Variants in DDX31 observed in about 807,000 individuals in gnomAD.
DDX31 encodes the protein DEAD-box helicase 31, also known as ATP-dependent DNA helicase DDX31.
Under a neutral mutation model 91.3 loss-of-function variants are expected in DDX31, and 70 were observed. The ratio of observed to expected loss-of-function variants is 0.77; its 90% confidence interval spans 0.63 to 0.94. The LOEUF (loss-of-function observed/expected upper bound fraction) is 0.94, where lower values mean the gene tolerates loss of function less well. Among genes scored for constraint, DDX31 ranks in the 40% least tolerant of loss-of-function variants. The probability of loss-of-function intolerance (pLI) is 0.00; values close to 1 mark genes in which losing one functional copy is unlikely to be tolerated. For synonymous variants in DDX31, 362 were observed against 350.6 expected, an observed-to-expected ratio of 1.03 and a Z score of -0.36; for missense variants, 902 against 925.0, an observed-to-expected ratio of 0.98 and a Z score of 0.32.
chr9:132,632,003 C>T (rs1374587201), intron 15 of DDX31, 38 bp downstream of exon 15: 1 of 1,582,516 alleles, frequency 6.3e-7, no homozygotes, highest in Non-Finnish European at 8.6e-7. Context: ...ATCATATATT[C>T]CTGCCTAAAG....
intron 19 of DDX31, among the ~76,000 whole-genome samples, chr9:132,606,948 A>G (rs1407563520): frequency 1.3e-5 from 2 of 152,234 alleles, no homozygotes; most frequent in Non-Finnish European, 2.9e-5. Flanking sequence ...ACAGGCCTTC[A>G]AAGATGAAAA....
chr9:132,614,618 G>T (rs1264082920), intron 18 of DDX31, among the ~76,000 whole-genome samples: 3 of 152,138 alleles, frequency 2.0e-5, no homozygotes, highest in Admixed American at 6.5e-5. Context: ...CCTCTCTTCT[G>T]TGTATGCAGA....
At chr9:132,608,976 C>G (rs1458231628) in intron 19 of DDX31, among the ~76,000 whole-genome samples, 3 of 152,162 alleles carry the variant, frequency 2.0e-5, no homozygotes, top group African/African-American at 7.2e-5. Context: ...CATTCCTCCT[C>G]CAGGAGTGAC....
intron 13 of DDX31, among the ~76,000 whole-genome samples, chr9:132,645,440 A>G (rs913259486): frequency 5.3e-5 from 8 of 152,212 alleles, no homozygotes; most frequent in Admixed American, 4.6e-4. Flanking sequence ...CAATGACAGC[A>G]GCCGTGCTCA....
At chr9:132,618,636 TGA>T (rs145822933) in intron 17 of DDX31, among the ~76,000 whole-genome samples, 195 bp from the exon 18 acceptor site, 3,155 of 152,292 alleles carry the variant, frequency 0.021, 120 homozygotes, top group African/African-American at 0.072. Flanking sequence ...GGTGGCTTTA[TGA>T]GAGAGAACAT....
rs1414317147 is a variant in DDX31, at chr9:132,661,192, AG to A, written c.452+15del. 2 of 1,606,118 alleles carry A rather than the reference AG, an allele frequency of 1.2e-6. No homozygotes were observed. Among genetic ancestry groups the A allele is most frequent in the Non-Finnish European group, 1.7e-6 (2 of 1,173,744 alleles). On this transcript the variant is annotated intron_variant, in intron 4 of 19. Transcript: ENST00000372159. ...ACGTAATGCCTAAGAAATCAAGAGG[AG>A]CCTGAAGTTCTTACCTGGTCATACT...
At chr9:132,663,587 T>C (rs1427365479) in intron 1 of DDX31, 8 of 913,870 alleles carry the variant, frequency 8.8e-6, no homozygotes, top group Non-Finnish European at 9.2e-6. Context: ...TATAAAAGCA[T>C]CCCTTGAGTA....
chr9:132,656,409 C>T (rs887585659), intron 6 of DDX31, among the ~76,000 whole-genome samples: 1 of 152,114 alleles, frequency 6.6e-6, no homozygotes, highest in South Asian at 2.1e-4. Flanking sequence ...GACATATAAC[C>T]AATCAAATCA....
Position 132,618,360 on chromosome 9 carries a change from T to G in DDX31, c.1795A>C (p.Ser599Arg), listed in dbSNP as rs199750353. ...QTVFEDYVHS[S>R]ERRVSWAKKA... is the part of the protein sequence containing the mutation. ...TTTGCCCAGGAGACCCTCCTCTCAC[T>G]GGAGTGCACGTAATCTTCAAATACC... Residue 599 changes from serine to arginine, a missense_variant, in exon 18 of 20, where the codon AGT becomes CGT. Physicochemically the swap from Ser to Arg is moderately radical, Grantham distance 110 (BLOSUM62 -1). Coordinates refer to ENST00000372159, the MANE Select transcript of DDX31 (RefSeq NM_022779.9). 17 of 1,611,396 alleles carry G rather than the reference T, an allele frequency of 1.1e-5. No homozygotes were observed. Among genetic ancestry groups the G allele is most frequent in the Non-Finnish European group, 1.4e-5 (17 of 1,178,974 alleles).
At position 132,594,840 on chromosome 9, in the gene DDX31, GT is replaced by G; in HGVS notation, c.*25del. On this transcript the variant is annotated 3_prime_UTR_variant, in exon 20 of 20. Coordinates refer to ENST00000372159, the MANE Select transcript of DDX31 (RefSeq NM_022779.9). ...ATCCACTGCCACCCGGGGCTTCCAG[GT>G]TCCACTCGAAGACCCAGAGAGATTT... The G allele has an allele frequency of 6.2e-7, 1 of 1,606,670 alleles. No homozygotes were observed. The highest frequency in any genetic ancestry group is 8.5e-7 in the Non-Finnish European group (1 of 1,175,440).
At chr9:132,658,767 C>G (rs757747190) in intron 5 of DDX31, 32 bp from the exon 6 acceptor site, 2 of 1,599,382 alleles carry the variant, frequency 1.3e-6, no homozygotes, top group Non-Finnish European at 1.7e-6. Context: ...CAATTAAAAT[C>G]ACACACCCTA....
intron 9 of DDX31, among the ~76,000 whole-genome samples, chr9:132,649,734 TTTC>T (rs1834065281): frequency 6.6e-6 from 1 of 152,220 alleles, no homozygotes; most frequent in Non-Finnish European, 1.5e-5. Flanking sequence ...ATAAAAATGT[TTTC>T]AAAAGAATGA....
chr9:132,607,935 C>G (rs1047093687), intron 19 of DDX31, among the ~76,000 whole-genome samples: 1 of 152,222 alleles, frequency 6.6e-6, no homozygotes, highest in African/African-American at 2.4e-5. Context: ...TGCCTGCTCA[C>G]TGTTCTGACA....
chr9:132,653,577 A>C (rs1834356194), intron 6 of DDX31, among the ~76,000 whole-genome samples: 1 of 151,392 alleles, frequency 6.6e-6, no homozygotes, highest in African/African-American at 2.4e-5. Flanking sequence ...AGCAACAAAA[A>C]AGATAAAAGG....
At chr9:132,602,442 C>A (rs1267144019) in intron 19 of DDX31, among the ~76,000 whole-genome samples, 2 of 152,092 alleles carry the variant, frequency 1.3e-5, no homozygotes, top group Non-Finnish European at 2.9e-5. Context: ...TAAGGCTGCA[C>A]ATTCCTTACC....
intron 9 of DDX31, 111 bp downstream of exon 9, chr9:132,650,121 GGA>G: frequency 9.7e-7 from 1 of 1,026,260 alleles, no homozygotes; most frequent in East Asian, 2.4e-5. Flanking sequence ...ACCGGGACTA[GGA>G]AGCAGAGCCT....
At chr9:132,669,772 A>G in intron 1 of DDX31, 88 bp downstream of exon 1, 1 of 1,518,998 alleles carries the variant, frequency 6.6e-7, no homozygotes, top group Non-Finnish European at 8.8e-7. Context: ...ATGACTCGAA[A>G]CCCGACTCCA....
At position 132,645,949 on chromosome 9, in the gene DDX31, T is replaced by C. The variant is rs751655390; in HGVS notation, c.1326A>G (p.Pro442=). 6 of 1,613,822 alleles carry C rather than the reference T, an allele frequency of 3.7e-6. No homozygotes were observed. Among genetic ancestry groups the C allele is most frequent in the Non-Finnish European group, 5.1e-6 (6 of 1,179,924 alleles). Residue 442 remains proline, a synonymous_variant, in exon 13 of 20, where the codon CCA becomes CCG. Transcript: ENST00000372159. ...SSGAPASGQL[P]SASMRLKFLR... ...GGAATTTTAATCGCATGGAGGCAGA[T>C]GGCAACTGCCCTGATGCCGGCGCCC...
In DDX31 at chr9:132,660,861, G is replaced by C. The variant is rs1457299808; in HGVS notation, c.452+347C>G. ...ACTGAACATTTACTCTTGTCTTTTT[G>C]GTTGACCCTAATTCTTACTACTAAG... On this transcript the variant is annotated intron_variant, in intron 4 of 19. Transcript: ENST00000372159. 2.6e-5 allele frequency among the ~76,000 whole-genome samples: 4 copies of C among 151,922 alleles called. No homozygotes were observed. The South Asian group carries it at 6.2e-4, about 24-fold the overall frequency.
Sources: allele counts gnomAD v4.1 joint callset (sites outside exome capture counted in the v4.1 genomes callset), GRCh38; gene constraint gnomAD v4.1.1; transcripts MANE v1.5; gene names NCBI Gene and HGNC (gene_info 2026-07-23, HGNC 2026-07-21).